Variants in GPHN observed in about 807,000 individuals in gnomAD.
The protein encoded by GPHN is gephyrin.
A neutral mutation model predicts 95.5 loss-of-function variants in GPHN; 17 were observed. The observed-to-expected ratio is 0.18, with a 90% confidence interval of 0.12 to 0.27. The LOEUF (loss-of-function observed/expected upper bound fraction) is 0.27, where lower values mean the gene tolerates loss of function less well. GPHN is among the 10% of genes least tolerant of loss of function. GPHN has a pLI of 1.00. For synonymous variants in GPHN, 320 were observed against 322.5 expected, an observed-to-expected ratio of 0.99 and a Z score of 0.08; for missense variants, 660 against 978.1, an observed-to-expected ratio of 0.67 and a Z score of 4.34.
At chr14:67,326,297 G>A in the GPHN span, among the ~76,000 whole-genome samples, 2 of 114,984 alleles carry the variant, frequency 1.7e-5, no homozygotes, top group African/African-American at 3.4e-5. Flanking sequence ...CTAGAGTGCT[G>A]TGGCATGATC....
At chr14:66,841,916 G>C (rs866453326) in intron 4 of GPHN, among the ~76,000 whole-genome samples, 14 of 152,090 alleles carry the variant, frequency 9.2e-5, no homozygotes, top group African/African-American at 1.9e-4. Context: ...AGCCAGACCT[G>C]GTGGTGCACG....
chr14:66,772,693 C>A (rs2059224878), intron 2 of GPHN, among the ~76,000 whole-genome samples: 1 of 152,058 alleles, frequency 6.6e-6, no homozygotes, highest in Non-Finnish European at 1.5e-5. Flanking sequence ...TCATATTCTT[C>A]TTTAAAATAA....
chr14:67,301,546 A>G, the GPHN span: 1 of 870,428 alleles, frequency 1.1e-6, no homozygotes, highest in Non-Finnish European at 1.8e-6. Context: ...CCAGTACTGG[A>G]AGAGATGTCA....
At chr14:67,150,165 G>C (rs1019278336) in intron 18 of GPHN, among the ~76,000 whole-genome samples, 1 of 152,062 alleles carries the variant, frequency 6.6e-6, no homozygotes, top group Non-Finnish European at 1.5e-5. Flanking sequence ...AAGGTTGGCC[G>C]GGCGCGGTGG....
At chr14:67,699,983 T>TA in the GPHN span, among the ~76,000 whole-genome samples, 1 of 151,776 alleles carries the variant, frequency 6.6e-6, no homozygotes, top group Non-Finnish European at 1.5e-5. Flanking sequence ...CTACTAAAAA[T>TA]ACAAAAATCA....
chr14:67,279,431 T>G, the GPHN span: 67 of 1,613,760 alleles, frequency 4.2e-5, 1 homozygote, highest in South Asian at 7.4e-4. Context: ...CCATGAGACT[T>G]AAGAAACTAG....
the GPHN span, chr14:67,392,876 G>A: frequency 7.0e-6 from 11 of 1,571,022 alleles, no homozygotes; most frequent in African/African-American, 2.7e-5. Context: ...CCAGTCAGGC[G>A]ATGGGTGATG....
chr14:67,556,249 T>G, the GPHN span, among the ~76,000 whole-genome samples: 1 of 152,212 alleles, frequency 6.6e-6, no homozygotes, highest in African/African-American at 2.4e-5. Flanking sequence ...ATCTTATAGC[T>G]GGACCACTTG....
chr14:67,562,433 C>A, the GPHN span: 3 of 1,613,708 alleles, frequency 1.9e-6, no homozygotes, highest in Non-Finnish European at 2.5e-6. Flanking sequence ...TCCCCACCAG[C>A]CATGCATGAA....
the GPHN span, chr14:67,302,104 C>T: frequency 3.1e-6 from 5 of 1,601,038 alleles, no homozygotes; most frequent in Middle Eastern, 1.7e-4. Context: ...AGAAAAGGCT[C>T]GTGATATTCC....
chr14:67,055,114 T>C (rs1363973991), intron 10 of GPHN, among the ~76,000 whole-genome samples: 1 of 152,138 alleles, frequency 6.6e-6, no homozygotes, highest in Non-Finnish European at 1.5e-5. Context: ...ATTAAAGAGC[T>C]TCTGCACAGC....
chr14:66,748,305 A>G, intron 2 of GPHN, among the ~76,000 whole-genome samples: 1 of 152,054 alleles, frequency 6.6e-6, no homozygotes, highest in East Asian at 1.9e-4. Context: ...TGGAATTATA[A>G]TAACATACTT....
rs565464738 is a variant in GPHN, at chr14:66,594,185, A to C, written c.64+85594A>C. 2.6e-5 allele frequency among the ~76,000 whole-genome samples: 4 copies of C among 152,282 alleles called. No individual in the cohort carries two copies. The South Asian group carries it at 8.3e-4, about 32-fold the overall frequency. On this transcript the variant is annotated intron_variant, in intron 1 of 22. Transcript: ENST00000478722. ...TTAGGGAGATAAAATAAAAGGAAAG[A>C]TATCCCATGTTCATGAATTGAAAGG...
chr14:67,332,691 C>T, the GPHN span: 16 of 1,300,412 alleles, frequency 1.2e-5, no homozygotes, highest in South Asian at 1.4e-4. Context: ...CTATGAAGGT[C>T]GCTCCTTGTT....
the GPHN span, chr14:67,729,333 C>T: frequency 6.3e-7 from 1 of 1,599,328 alleles, no homozygotes. Context: ...CCAGCCTGCA[C>T]TGCGCCCTGG....
chr14:67,653,164 G>A, the GPHN span, among the ~76,000 whole-genome samples: 18,943 of 152,204 alleles, frequency 0.12, 1,217 homozygotes, highest in Admixed American at 0.15. Flanking sequence ...AACATCAGCT[G>A]TGATTAAATG....
chr14:67,559,507 C>G, the GPHN span: 2 of 732,152 alleles, frequency 2.7e-6, no homozygotes, highest in Admixed American at 4.3e-5. Flanking sequence ...TTTGCGAGGT[C>G]AGTGGCACGC....
chr14:66,763,143 C>A (rs2058821743), intron 2 of GPHN, among the ~76,000 whole-genome samples: 1 of 151,866 alleles, frequency 6.6e-6, no homozygotes, highest in African/African-American at 2.4e-5. Context: ...TGAATTCAAA[C>A]AACTGCAGTT....
intron 10 of GPHN, among the ~76,000 whole-genome samples, chr14:67,034,063 T>A (rs1325625892): frequency 6.6e-6 from 1 of 151,962 alleles, no homozygotes; most frequent in African/African-American, 2.4e-5. Flanking sequence ...TTACAAGAAA[T>A]GCTAAAGAGA....
Sources: allele counts gnomAD v4.1 joint callset (sites outside exome capture counted in the v4.1 genomes callset), GRCh38; gene constraint gnomAD v4.1.1; transcripts MANE v1.5; gene names NCBI Gene and HGNC (gene_info 2026-07-23, HGNC 2026-07-21).